DTD1: variants seen among roughly 807,000 people sequenced by gnomAD.
DTD1 encodes D-tyrosyl-tRNA deacylase 1 homolog.
In DTD1, 13 loss-of-function variants were observed where a neutral mutation model predicts 25.6. The observed-to-expected ratio is 0.51, with a 90% CI of 0.33 to 0.81. The LOEUF is 0.81. Ranked by LOEUF, DTD1 falls within the 30% of genes least tolerant of loss-of-function variation. DTD1 has a pLI of 0.02. For synonymous variants in DTD1, 110 were observed against 103.6 expected, an observed-to-expected ratio of 1.06 and a Z score of -0.37; for missense variants, 193 against 266.4, an observed-to-expected ratio of 0.72 and a Z score of 1.92.
At chr20:18,648,792 C>T (rs2060860132) in intron 4 of DTD1, among the ~76,000 whole-genome samples, 1 of 151,700 alleles carries the variant, frequency 6.6e-6, no homozygotes, top group African/African-American at 2.4e-5. Flanking sequence ...GTCAGGAGAT[C>T]GAGACCATTC....
intron 3 of DTD1, among the ~76,000 whole-genome samples, chr20:18,613,347 A>G (rs1345296661): frequency 6.6e-6 from 1 of 152,224 alleles, no homozygotes; most frequent in Non-Finnish European, 1.5e-5. Flanking sequence ...ACAGCGTGGT[A>G]ACATTCCTCA....
At chr20:18,630,172 G>C (rs2060779627) in intron 4 of DTD1, among the ~76,000 whole-genome samples, 1 of 151,898 alleles carries the variant, frequency 6.6e-6, no homozygotes, top group Non-Finnish European at 1.5e-5. Flanking sequence ...GCTTTTTATT[G>C]TGAAATAATT....
intron 4 of DTD1, among the ~76,000 whole-genome samples, chr20:18,680,378 G>C: frequency 6.8e-6 from 1 of 147,222 alleles, no homozygotes; most frequent in East Asian, 2.0e-4. Flanking sequence ...TAATTTTGTA[G>C]AGACACTCTT....
intron 5 of DTD1, among the ~76,000 whole-genome samples, chr20:18,761,759 A>G (rs555773978): frequency 1.5e-4 from 23 of 152,366 alleles, no homozygotes; most frequent in African/African-American, 5.5e-4. Flanking sequence ...GAACAATTAC[A>G]GTATTTCAGT....
At chr20:18,612,657 T>C (rs2060691960) in intron 3 of DTD1, among the ~76,000 whole-genome samples, 2 of 152,000 alleles carry the variant, frequency 1.3e-5, no homozygotes, top group Non-Finnish European at 2.9e-5. Flanking sequence ...TTTTCTGTTA[T>C]CTTTCTTTTT....
intron 4 of DTD1, among the ~76,000 whole-genome samples, chr20:18,689,571 G>A (rs2061033547): frequency 6.6e-6 from 1 of 152,140 alleles, no homozygotes; most frequent in Admixed American, 6.5e-5. Context: ...GGCATATGGA[G>A]AGGGTCAATG....
chr20:18,628,688 T>C (rs531425319), intron 4 of DTD1, among the ~76,000 whole-genome samples: 2 of 152,280 alleles, frequency 1.3e-5, no homozygotes, highest in African/African-American at 4.8e-5. Context: ...CTGGATTTGC[T>C]GCCAATTTGT....
At chr20:18,597,020 G>A (rs1326331665) in intron 3 of DTD1, among the ~76,000 whole-genome samples, 1 of 151,978 alleles carries the variant, frequency 6.6e-6, no homozygotes, top group Non-Finnish European at 1.5e-5. Flanking sequence ...ATAATGACAT[G>A]TGTCTACCAT....
intron 5 of DTD1, among the ~76,000 whole-genome samples, chr20:18,744,570 A>G (rs773533371): frequency 9.4e-5 from 14 of 148,220 alleles, no homozygotes; most frequent in Non-Finnish European, 1.9e-4. Flanking sequence ...CATTTCTTAC[A>G]TGGCGGCAGG....
At chr20:18,680,432 TG>T (rs1240023976) in intron 4 of DTD1, among the ~76,000 whole-genome samples, 6,461 of 79,862 alleles carry the variant, frequency 0.081, 201 homozygotes, top group Non-Finnish European at 0.096. Flanking sequence ...TTTTTTTTTT[TG>T]GTCTCACTAT....
At chr20:18,633,341 T>G (rs1368521893) in intron 4 of DTD1, among the ~76,000 whole-genome samples, 4 of 152,098 alleles carry the variant, frequency 2.6e-5, no homozygotes, top group African/African-American at 9.7e-5. Flanking sequence ...TTCCAGGGTC[T>G]CCCCCTCCTT....
intron 5 of DTD1, among the ~76,000 whole-genome samples, chr20:18,750,005 C>T (rs1293011953): frequency 2.0e-5 from 3 of 152,148 alleles, no homozygotes; most frequent in Non-Finnish European, 4.4e-5. Context: ...TTCTTCTTTA[C>T]GTCAGGGTCA....
intron 2 of DTD1, 88 bp downstream of exon 2, chr20:18,593,909 G>A: frequency 1.0e-6 from 1 of 976,284 alleles, no homozygotes; most frequent in Non-Finnish European, 1.6e-6. Context: ...TGCCTGTGAG[G>A]TGAGCCCCTG....
At chr20:18,759,316 A>T (rs1441025527) in intron 5 of DTD1, among the ~76,000 whole-genome samples, 1 of 152,148 alleles carries the variant, frequency 6.6e-6, no homozygotes, top group African/African-American at 2.4e-5. Flanking sequence ...TAGTTGATGC[A>T]GTTTCTTCCT....
chr20:18,742,116 TC>T (rs1475399915), intron 4 of DTD1, among the ~76,000 whole-genome samples: 2 of 152,114 alleles, frequency 1.3e-5, no homozygotes, highest in Admixed American at 6.5e-5. Context: ...CACGTATCTG[TC>T]CTCCTAATGT....
intron 4 of DTD1, among the ~76,000 whole-genome samples, chr20:18,634,294 C>A (rs1376529737): frequency 6.6e-6 from 1 of 152,112 alleles, no homozygotes; most frequent in Non-Finnish European, 1.5e-5. Flanking sequence ...GATTGGGGGG[C>A]AGATGGAGGT....
At chr20:18,755,787 G>C (rs892726136) in intron 5 of DTD1, among the ~76,000 whole-genome samples, 1 of 152,136 alleles carries the variant, frequency 6.6e-6, no homozygotes, top group African/African-American at 2.4e-5. Context: ...TATATACCCA[G>C]TAATGGGATG....
intron 3 of DTD1, among the ~76,000 whole-genome samples, chr20:18,617,428 G>T (rs2060713431): frequency 6.6e-6 from 1 of 151,142 alleles, no homozygotes; most frequent in African/African-American, 2.4e-5. Flanking sequence ...ATATATGAGG[G>T]TTTACTTCTG....
Position 18,678,367 on chromosome 20 carries a change from T to A in DTD1, c.477+50134T>A, listed in dbSNP as rs576341421. The stretch of plus-strand genomic sequence containing the variant: ...TTAACACCTCCACTGGTAATTCAAC[T>A]TTACTGTCCAGAAATTGTTCTTCAT... On this transcript the variant is annotated intron_variant, in intron 4 of 5. Transcript: ENST00000377452. Among the ~76,000 whole-genome samples the A allele has an allele frequency of 2.0e-5, 3 of 152,330 alleles. No homozygotes were observed. In the East Asian group the frequency reaches 5.8e-4, roughly 29 times the overall value.
Sources: gnomAD v4.1 joint callset for allele counts (sites outside exome capture counted in the v4.1 genomes callset) on GRCh38, gnomAD v4.1.1 for gene constraint, MANE v1.5 for transcripts, NCBI Gene and HGNC (gene_info 2026-07-23, HGNC 2026-07-21) for gene names.